CPSF3: variants seen among roughly 807,000 people sequenced by gnomAD.
CPSF3 encodes the protein cleavage and polyadenylation specific factor 3, also known as cleavage and polyadenylation specificity factor subunit 3.
Under a neutral mutation model 84.1 loss-of-function variants are expected in CPSF3, and 57 were observed. That is an observed-to-expected ratio of 0.68 (90% CI 0.55 to 0.85). The LOEUF is 0.85. Ranked by LOEUF, CPSF3 falls within the 40% of genes least tolerant of loss-of-function variation. CPSF3 has a pLI of 0.00. For synonymous variants in CPSF3, 275 were observed against 278.1 expected (o/e 0.99, Z 0.11); for missense variants, 522 against 838.8 (o/e 0.62, Z 4.66).
chr2:9,424,243 T>G (rs1680251230), intron 1 of CPSF3: 1 of 991,998 alleles, frequency 1.0e-6, no homozygotes, highest in African/African-American at 1.7e-5. Flanking sequence ...CAGGGAAGAA[T>G]TAAGTCTGTT....
rs188414078 is a variant in CPSF3 at position 9,458,509 on chromosome 2, G to A, written c.1699-1022G>A. Reference sequence around the variant, plus strand: ...ATATCAGAAAAAGGGGGAAGTTATTGGAGACATTAATTTAGCTCATTCTAC... The same window carrying A: ...ATATCAGAAAAAGGGGGAAGTTATTAGAGACATTAATTTAGCTCATTCTAC... On this transcript the variant is annotated intron_variant, in intron 14 of 17. Transcript: ENST00000238112. 1.5e-4 allele frequency among the ~76,000 whole-genome samples: 23 copies of A among 152,170 alleles called. 1 individual carries two copies. The East Asian group carries it at 4.5e-3, about 30-fold the overall frequency.
intron 15 of CPSF3, among the ~76,000 whole-genome samples, chr2:9,465,854 A>T (rs1465450002): frequency 2.0e-5 from 3 of 152,174 alleles, no homozygotes; most frequent in Non-Finnish European, 4.4e-5. Context: ...AAATGATGAC[A>T]ATATCCATAT....
intron 15 of CPSF3, among the ~76,000 whole-genome samples, chr2:9,466,350 GCGCACACACACACGCACACACCCACGCA>G (rs1681965268): frequency 1.8e-5 from 2 of 108,178 alleles, no homozygotes; most frequent in African/African-American, 9.2e-5. Context: ...ACGCGCGCGC[GCGCACACACACACGCACACACCCACGCA>G]CTCGCACACA....
At chr2:9,459,680 A>G in intron 15 of CPSF3, 62 bp downstream of exon 15, 3 of 696,864 alleles carry the variant, frequency 4.3e-6, no homozygotes, top group Non-Finnish European at 4.1e-6. Flanking sequence ...GACGGATACT[A>G]GCTCTGTCAT....
In CPSF3 at chr2:9,456,463, C is replaced by T. The variant is rs571438202; in HGVS notation, c.1604-470C>T. On this transcript the variant is annotated intron_variant, in intron 13 of 17. Coordinates refer to ENST00000238112, the MANE Select transcript of CPSF3 (RefSeq NM_016207.4). ...CTTGCACTAGGATAATCTGTCATAACATAGAAGGTTAATAAAATATGTCTG... is the reference window on the plus strand; with the variant it reads ...CTTGCACTAGGATAATCTGTCATAATATAGAAGGTTAATAAAATATGTCTG... Among the ~76,000 whole-genome samples the T allele has an allele frequency of 5.3e-5, 8 of 152,236 alleles. No individual in the cohort carries two copies. In the East Asian group the frequency reaches 1.5e-3, roughly 29 times the overall value.
At chr2:9,425,057 G>C (rs1293005255) in intron 1 of CPSF3, 1 of 152,170 alleles carries the variant, frequency 6.6e-6, no homozygotes, top group African/African-American at 2.4e-5. Flanking sequence ...ACAGATTGAG[G>C]AAAAAAGGAT....
intron 10 of CPSF3, among the ~76,000 whole-genome samples, chr2:9,446,637 T>C (rs1190179073): frequency 6.6e-6 from 1 of 150,410 alleles, no homozygotes; most frequent in Admixed American, 6.6e-5. Context: ...TTCACACCTG[T>C]ATCCCAGCTA....
chr2:9,455,210 C>G (rs540281236), intron 12 of CPSF3, among the ~76,000 whole-genome samples: 1 of 151,342 alleles, frequency 6.6e-6, no homozygotes, highest in African/African-American at 2.4e-5. Context: ...GATCTCGGCT[C>G]ACTTCTGCCT....
Position 9,440,546 on chromosome 2 carries a change from ATC to A in CPSF3, c.818_819del (p.Ser273PhefsTer18), listed in dbSNP as rs1460648230. Reference sequence around the variant, plus strand: ...ATGACATTCCAATATACTATGCATCATCTTTGGCCAAGAAGTGTATGGCAGTG... The same window carrying A: ...ATGACATTCCAATATACTATGCATCATTTGGCCAAGAAGTGTATGGCAGTG... ...LHDIPIYYAS[S>X]LAKKCMAVYQ... On this transcript the variant is annotated frameshift_variant, in exon 8 of 18. Transcript: ENST00000238112. LOFTEE classifies it high-confidence loss of function. The A allele has an allele frequency of 6.2e-7, 1 of 1,614,106 alleles. No homozygotes were observed. Among genetic ancestry groups the A allele is most frequent in the Non-Finnish European group, 8.5e-7 (1 of 1,180,044 alleles).
In CPSF3 at chr2:9,433,996, T is replaced by A. The variant is rs192860683; in HGVS notation, c.609+36T>A. ...ATATACTATATTGTAATCAATGTAA[T>A]GTAAGCAGATTTTTTTTCTTTTGGA... On this transcript the variant is annotated intron_variant, in intron 6 of 17. Coordinates refer to ENST00000238112, the MANE Select transcript of CPSF3 (RefSeq NM_016207.4). 3,391 of 1,238,816 alleles carry A rather than the reference T, an allele frequency of 2.7e-3. 4 individuals carry two copies. Among genetic ancestry groups the A allele is most frequent in the Non-Finnish European group, 3.0e-3 (2,559 of 860,176 alleles). The allele number at this position is 1,238,816 out of a possible 1,614,324, so 76.7% of individuals were successfully genotyped here.
intron 15 of CPSF3, among the ~76,000 whole-genome samples, chr2:9,463,394 T>A (rs1681797960): frequency 6.6e-6 from 1 of 152,154 alleles, no homozygotes; most frequent in African/African-American, 2.4e-5. Flanking sequence ...GTGGAAGTCA[T>A]GGGGATATCG....
rs1468115140 is a variant in CPSF3, at chr2:9,436,218, C to G, written c.617C>G (p.Thr206Ser). 3.1e-6 allele frequency: 5 copies of G among 1,600,076 alleles called. No homozygotes were observed. The highest frequency in any genetic ancestry group is 2.2e-5 in the East Asian group (1 of 44,746). Reference sequence around the variant, plus strand: ...TTCTAATGTATTATTTAGGAATCTACTTATGGGACCCATATCCATGAGAAA... The same window carrying G: ...TTCTAATGTATTATTTAGGAATCTAGTTATGGGACCCATATCCATGAGAAA... ...IKPDILIIES[T>S]YGTHIHEKRE... is the part of the protein sequence containing the mutation. The change falls in exon 7 of 18, where the codon ACT becomes AGT. Residue 206 changes from threonine to serine, a missense_variant. Physicochemically the swap from Thr to Ser is moderately conservative, Grantham distance 58. Transcript: ENST00000238112.
At chr2:9,467,944 TGCC>T in intron 16 of CPSF3, 168 bp downstream of exon 16, 1 of 582,254 alleles carries the variant, frequency 1.7e-6, no homozygotes, top group South Asian at 2.2e-5. Flanking sequence ...AACCGTTCCC[TGCC>T]AGCTCTGCAC....
chr2:9,428,562 A>T (rs1457446874), intron 1 of CPSF3, among the ~76,000 whole-genome samples: 1 of 152,218 alleles, frequency 6.6e-6, no homozygotes, highest in East Asian at 1.9e-4. Context: ...CTGGACTCCC[A>T]AGGATCAGTT....
intron 1 of CPSF3, among the ~76,000 whole-genome samples, chr2:9,428,058 G>A (rs1057075514): frequency 2.7e-5 from 4 of 150,840 alleles, no homozygotes; most frequent in Admixed American, 6.6e-5. Flanking sequence ...GCGCAGTGGC[G>A]CGATCTCAGC....
chr2:9,442,811 C>T (rs1680999724), intron 9 of CPSF3, among the ~76,000 whole-genome samples: 1 of 151,546 alleles, frequency 6.6e-6, no homozygotes, highest in Non-Finnish European at 1.5e-5. Flanking sequence ...GAGATTGGCG[C>T]CACTGCACTC....
At chr2:9,457,838 C>T (rs1681585046) in intron 14 of CPSF3, among the ~76,000 whole-genome samples, 1 of 151,854 alleles carries the variant, frequency 6.6e-6, no homozygotes, top group African/African-American at 2.4e-5. Context: ...CTGCAACCTC[C>T]ACCTCCTAGG....
chr2:9,460,584 C>T (rs1430219212), intron 15 of CPSF3, among the ~76,000 whole-genome samples: 1 of 151,924 alleles, frequency 6.6e-6, no homozygotes, highest in African/African-American at 2.4e-5. Context: ...AATTTGCAAC[C>T]AGAGAAAACA....
At chr2:9,436,032 C>G (rs560531121) in intron 6 of CPSF3, among the ~76,000 whole-genome samples, 179 bp from the exon 7 acceptor site, 2 of 152,320 alleles carry the variant, frequency 1.3e-5, no homozygotes, top group African/African-American at 4.8e-5. Flanking sequence ...CACGCTGGGC[C>G]TGAATTCTAG....
Sources: allele counts gnomAD v4.1 joint callset (sites outside exome capture counted in the v4.1 genomes callset), GRCh38; gene constraint gnomAD v4.1.1; transcripts MANE v1.5; gene names NCBI Gene and HGNC (gene_info 2026-07-23, HGNC 2026-07-21).